The following SCRN2 variants were observed in gnomAD, a reference collection of about 807,000 sequenced individuals.
SCRN2 encodes the protein secernin 2.
A neutral mutation model predicts 40.1 loss-of-function variants in SCRN2; 30 were observed. That is an observed-to-expected ratio of 0.75 (90% CI 0.56 to 1.01). SCRN2 has a LOEUF of 1.01. Among genes scored for constraint, SCRN2 ranks in the 50% least tolerant of loss-of-function variants. The pLI, the probability that SCRN2 is intolerant of heterozygous loss-of-function variation, is 0.00. For synonymous variants in SCRN2, 240 were observed against 233.5 expected, an observed-to-expected ratio of 1.03 and a Z score of -0.25; for missense variants, 526 against 564.9, an observed-to-expected ratio of 0.93 and a Z score of 0.70.
intron 2 of SCRN2, 51 bp from the exon 3 acceptor site, chr17:47,840,423 C>G (rs750707438): frequency 6.3e-7 from 1 of 1,591,642 alleles, no homozygotes; most frequent in Non-Finnish European, 8.6e-7. Flanking sequence ...GGGGCGGCCC[C>G]TCGAGTGTGG....
chr17:47,838,980 G>A lies in SCRN2; in HGVS notation c.583C>T (p.Leu195=). ...QEGARNISNQ[L]SIGTDISAQH... Reference sequence around the variant, plus strand: ...GCCGAGATGTCCGTGCCAATGCTCAGCTGGTTGGAGATGTTGCGGGCCCCC... The same window carrying A: ...GCCGAGATGTCCGTGCCAATGCTCAACTGGTTGGAGATGTTGCGGGCCCCC... Residue 195 remains leucine (L), a synonymous_variant, in exon 5 of 8, where the codon CTG becomes TTG. Transcript: ENST00000290216. 6.2e-7 allele frequency: 1 copy of A among 1,614,018 alleles called. No homozygotes were observed. Among genetic ancestry groups the A allele is most frequent in the South Asian group, 1.1e-5 (1 of 91,086 alleles).
intron 3 of SCRN2, 84 bp downstream of exon 3, chr17:47,840,107 G>A: frequency 7.1e-7 from 1 of 1,410,990 alleles, no homozygotes; most frequent in Non-Finnish European, 9.7e-7. Flanking sequence ...AACCAGGCTG[G>A]GGGAGGGATG....
At position 47,840,777 on chromosome 17, in the gene SCRN2, C is replaced by T; in HGVS notation, c.67G>A (p.Ala23Thr). The T allele has an allele frequency of 6.3e-7, 1 of 1,586,224 alleles. No homozygotes were observed. The highest frequency in any genetic ancestry group is 8.6e-7 in the Non-Finnish European group (1 of 1,164,334). Residue 23 changes from alanine to threonine, a missense_variant, in exon 2 of 8, where the codon GCC (alanine) becomes ACC (threonine). Physicochemically the swap from Ala to Thr is moderately conservative, Grantham distance 58. Transcript: ENST00000290216. ...DCFVSVPPAS[A>T]IPAVIFAKNS... ...TTGGCAAAGATCACAGCCGGGATGG[C>T]TGAGGCCGGGGGCACGGAGACAAAG...
At chr17:47,839,152 A>C in intron 4 of SCRN2, 146 bp from the exon 5 acceptor site, 1 of 819,322 alleles carries the variant, frequency 1.2e-6, no homozygotes, top group South Asian at 1.8e-5. Context: ...AGACAAAATA[A>C]TCACAGAGAT....
At chr17:47,840,639 A>G (rs1487918452) in intron 2 of SCRN2, 31 bp downstream of exon 2, 1 of 1,555,456 alleles carries the variant, frequency 6.4e-7, no homozygotes, top group Non-Finnish European at 8.7e-7. Flanking sequence ...GATCTGCCAC[A>G]CCTCCCAGCA....
chr17:47,839,003 C>T lies in SCRN2; in HGVS notation c.560G>A (p.Gly187Glu). Residue 187 changes from glycine (G) to glutamate (E), a missense_variant, in exon 5 of 8, where the codon GGG (glycine) becomes GAG (glutamate). Transcript: ENST00000290216. ...CAGCTGGTTGGAGATGTTGCGGGCC[C>T]CCTCTGTGGAGGAGATCGGGGAGTG... is the stretch of plus-strand genomic sequence containing the variant. ...RLWAAQRIQE[G>E]ARNISNQLSI... The T allele has an allele frequency of 1.2e-6, 2 of 1,613,812 alleles. No homozygotes were observed. The highest frequency in any genetic ancestry group is 2.7e-5 in the African/African-American group (2 of 75,074).
intron 2 of SCRN2, 48 bp from the exon 3 acceptor site, chr17:47,840,420 C>A: frequency 1.3e-6 from 2 of 1,595,522 alleles, no homozygotes; most frequent in Non-Finnish European, 8.6e-7. Context: ...AGAGGGGCGG[C>A]CCCTCGAGTG....
chr17:47,839,552 C>G lies in SCRN2; in HGVS notation c.448G>C (p.Glu150Gln), dbSNP rs1174338659. 1 of 1,614,018 alleles carries G rather than the reference C, an allele frequency of 6.2e-7. No individual in the cohort carries two copies. The highest frequency in any genetic ancestry group is 2.2e-5 in the East Asian group (1 of 44,882). Reference protein sequence around the residue: ...EHYGQGGNCLEDAAPFSYHST... With the variant: ...EHYGQGGNCLQDAAPFSYHST... ...TGGTAGGAGAATGGCGCAGCATCCT[C>G]CAGGCAGTTGCCCCCCTGCCCATAG... Residue 150 changes from glutamate (E) to glutamine (Q), a missense_variant, in exon 4 of 8, where the codon GAG becomes CAG. Transcript: ENST00000290216.
At chr17:47,840,108 G>T in intron 3 of SCRN2, 83 bp downstream of exon 3, 1 of 1,417,434 alleles carries the variant, frequency 7.1e-7, no homozygotes. Flanking sequence ...ACCAGGCTGG[G>T]GGAGGGATGG....
At position 47,838,883 on chromosome 17, in the gene SCRN2, G is replaced by A; in HGVS notation, c.680C>T (p.Ala227Val). The change falls in exon 5 of 8, where the codon GCT becomes GTT. Residue 227 changes from alanine to valine, a missense_variant. By Grantham distance (64) the Ala-to-Val change is moderately conservative. Transcript: ENST00000290216. ...CTGCTGGGTCAGGGAGAAGATCTGA[G>A]CAAAGTCAAAGGCACCCTGCCCATC... ...WWDGQGAFDFAQIFSLTQQPV... is the reference protein window; with the variant it reads ...WWDGQGAFDFVQIFSLTQQPV... 1.2e-6 allele frequency: 2 copies of A among 1,613,834 alleles called. No individual in the cohort carries two copies. The highest frequency in any genetic ancestry group is 1.7e-6 in the Non-Finnish European group (2 of 1,180,050).
Position 47,838,912 on chromosome 17 carries a change from C to A in SCRN2, c.651G>T (p.Trp217Cys), listed in dbSNP as rs763205655. The change falls in exon 5 of 8, where the codon TGG (tryptophan) becomes TGT (cysteine). Residue 217 changes from tryptophan (W) to cysteine (C), a missense_variant. By Grantham distance (215) the Trp-to-Cys change is radical. Transcript: ENST00000290216. ...AGTCAAAGGCACCCTGCCCATCCCA[C>A]CAGCCCTTGGCCTGGGCATGAGTCC... Reference protein sequence around the residue: ...ELRTHAQAKGWWDGQGAFDFA... With the variant: ...ELRTHAQAKGCWDGQGAFDFA... 1 of 1,614,016 alleles carries A rather than the reference C, an allele frequency of 6.2e-7. No individual in the cohort carries two copies. Among genetic ancestry groups the A allele is most frequent in the South Asian group, 1.1e-5 (1 of 91,088 alleles).
chr17:47,838,127 G>T, intron 7 of SCRN2, 125 bp from the exon 8 acceptor site: 1 of 1,525,050 alleles, frequency 6.6e-7, no homozygotes, highest in Non-Finnish European at 8.7e-7. Flanking sequence ...CCCAAAGGCA[G>T]TTGCTGGCTT....
chr17:47,840,075 CAG>C, intron 3 of SCRN2, 114 bp downstream of exon 3: 1 of 1,073,494 alleles, frequency 9.3e-7, no homozygotes, highest in Non-Finnish European at 1.3e-6. Flanking sequence ...GCAAAGTCTG[CAG>C]AGAGGAGGAG....
Position 47,837,907 on chromosome 17 carries a change from G to C in SCRN2, c.1215C>G (p.Pro405=). The change falls in exon 8 of 8, where the codon CCC becomes CCG. Residue 405 remains proline (P), a synonymous_variant. Coordinates refer to ENST00000290216, the MANE Select transcript of SCRN2 (RefSeq NM_138355.4). Reference sequence around the variant, plus strand: ...GGAAGAGGCTGCCCAGCTCCCAGAGGGGTGGGGCCCACTCGCCGGCCAGCA... The same window carrying C: ...GGAAGAGGCTGCCCAGCTCCCAGAGCGGTGGGGCCCACTCGCCGGCCAGCA... The part of the protein sequence containing the change: ...QGLLAGEWAP[P]LWELGSLFQA... 6.2e-7 allele frequency: 1 copy of C among 1,605,106 alleles called. No individual in the cohort carries two copies. Among genetic ancestry groups the C allele is most frequent in the South Asian group, 1.1e-5 (1 of 90,982 alleles).
chr17:47,839,217 T>C (rs1439564364), intron 4 of SCRN2, among the ~76,000 whole-genome samples: 1 of 152,180 alleles, frequency 6.6e-6, no homozygotes, highest in Non-Finnish European at 1.5e-5. Context: ...CCTGCTTGCA[T>C]ATAAGCAGGA....
intron 3 of SCRN2, 56 bp from the exon 4 acceptor site, chr17:47,839,699 G>A (rs1169474437): frequency 1.3e-6 from 2 of 1,591,968 alleles, no homozygotes; most frequent in African/African-American, 2.7e-5. Context: ...AATGGCTGGT[G>A]GCAGAAGCTC....
intron 3 of SCRN2, 86 bp from the exon 4 acceptor site, chr17:47,839,729 G>A (rs535521161): frequency 7.7e-5 from 113 of 1,458,898 alleles, no homozygotes; most frequent in Non-Finnish European, 8.8e-5. Flanking sequence ...GAAGAGGCCC[G>A]GAGAGGTTTG....
chr17:47,840,558 A>T (rs902244290), intron 2 of SCRN2, 112 bp downstream of exon 2: 3 of 1,320,754 alleles, frequency 2.3e-6, no homozygotes, highest in Non-Finnish European at 2.0e-6. Context: ...CCTAAAGCTC[A>T]TGCTCTTCCA....
rs1465866526 is a variant in SCRN2, at chr17:47,838,708, T to C, written c.773-12A>G. On this transcript the variant is annotated splice_polypyrimidine_tract_variant and intron_variant, in intron 5 of 7. Coordinates refer to ENST00000290216, the MANE Select transcript of SCRN2 (RefSeq NM_138355.4). Reference sequence around the variant, plus strand: ...TGCCGTGATGCCCCCTGCCAAGGAGTAGAGGGGGAAGCTGTGGGAGGGGAG... The same window carrying C: ...TGCCGTGATGCCCCCTGCCAAGGAGCAGAGGGGGAAGCTGTGGGAGGGGAG... 1 of 1,612,346 alleles carries C rather than the reference T, an allele frequency of 6.2e-7. No individual in the cohort carries two copies. The highest frequency in any genetic ancestry group is 2.2e-5 in the East Asian group (1 of 44,838).
Sources: allele counts gnomAD v4.1 joint callset (sites outside exome capture counted in the v4.1 genomes callset), GRCh38; gene constraint gnomAD v4.1.1; transcripts MANE v1.5; gene names NCBI Gene and HGNC (gene_info 2026-07-23, HGNC 2026-07-21).